Variants in PSTPIP2 observed in about 807,000 individuals in gnomAD.
PSTPIP2 encodes the protein proline-serine-threonine phosphatase interacting protein 2.
PSTPIP2 carries 33 observed loss-of-function variants against 63.3 expected under a neutral mutation model. The observed-to-expected ratio is 0.52, with a 90% CI of 0.40 to 0.70. The LOEUF (loss-of-function observed/expected upper bound fraction) is 0.70. Among genes scored for constraint, PSTPIP2 ranks in the 30% least tolerant of loss-of-function variants. PSTPIP2 has a pLI of 0.00. For synonymous variants in PSTPIP2, 125 were observed against 132.7 expected, an observed-to-expected ratio of 0.94 and a Z score of 0.40; for missense variants, 312 against 400.7, an observed-to-expected ratio of 0.78 and a Z score of 1.89.
In PSTPIP2 at chr18:45,993,675, A is replaced by G; in HGVS notation, c.671T>C (p.Ile224Thr). ...CCACAATGCATTCCGGAAGAAGTTT[A>G]TTCGTTCACATTCTTGAGCCTCAAA... ...EAFEAQECER[I>T]NFFRNALWLH... The change falls in exon 10 of 15, where the codon ATA becomes ACA. Residue 224 changes from isoleucine (I) to threonine (T), a missense_variant. Coordinates refer to ENST00000409746, the MANE Select transcript of PSTPIP2 (RefSeq NM_024430.4). 6.2e-7 allele frequency: 1 copy of G among 1,614,184 alleles called. No individual in the cohort carries two copies. Among genetic ancestry groups the G allele is most frequent in the Non-Finnish European group, 8.5e-7 (1 of 1,180,022 alleles).
intron 3 of PSTPIP2, among the ~76,000 whole-genome samples, chr18:46,019,511 C>T (rs1304004649): frequency 6.6e-6 from 1 of 152,012 alleles, no homozygotes; most frequent in Non-Finnish European, 1.5e-5. Flanking sequence ...TAACAGTGTC[C>T]ATATTGAGGC....
At chr18:46,007,674 T>C (rs952607312) in intron 5 of PSTPIP2, among the ~76,000 whole-genome samples, 1 of 151,602 alleles carries the variant, frequency 6.6e-6, no homozygotes, top group Non-Finnish European at 1.5e-5. Context: ...ATATTATATT[T>C]TGTGGCCCCA....
At chr18:46,045,516 T>G (rs998249754) in intron 1 of PSTPIP2, among the ~76,000 whole-genome samples, 2 of 149,000 alleles carry the variant, frequency 1.3e-5, no homozygotes, top group Non-Finnish European at 3.0e-5. Context: ...TGTTGTGGGG[T>G]AGGGGGAGGG....
At chr18:46,011,118 C>A in intron 5 of PSTPIP2, 63 bp downstream of exon 5, 1 of 1,384,780 alleles carries the variant, frequency 7.2e-7, no homozygotes, top group African/African-American at 1.4e-5. Flanking sequence ...GTATAATGAA[C>A]AAACAAGCCT....
In PSTPIP2 at chr18:46,050,146, G is replaced by A. The variant is rs113577267; in HGVS notation, c.34-10099C>T. ...ATGCACATTGGCATAATCTTTTGAG[G>A]AGGAAATTAGCAATATCCATTAAAA... is the stretch of plus-strand genomic sequence containing the variant. On this transcript the variant is annotated intron_variant, in intron 1 of 14. Coordinates refer to ENST00000409746, the MANE Select transcript of PSTPIP2 (RefSeq NM_024430.4). 5.7e-3 allele frequency among the ~76,000 whole-genome samples: 870 copies of A among 152,274 alleles called. 16 individuals carry two copies. Among genetic ancestry groups the A allele is most frequent in the Admixed American group, 0.032 (491 of 15,292 alleles).
intron 1 of PSTPIP2, among the ~76,000 whole-genome samples, chr18:46,046,828 C>A (rs1599739384): frequency 6.6e-6 from 1 of 152,228 alleles, no homozygotes; most frequent in East Asian, 1.9e-4. Context: ...CTTTTGGAAG[C>A]CCAGAGAGCC....
At chr18:46,064,402 T>C (rs925223329) in intron 1 of PSTPIP2, among the ~76,000 whole-genome samples, 2 of 142,634 alleles carry the variant, frequency 1.4e-5, no homozygotes, top group Non-Finnish European at 3.0e-5. Context: ...GCGATTCTCC[T>C]GCCACAGCCT....
At position 46,003,996 on chromosome 18, in the gene PSTPIP2, C is replaced by T. The variant is rs187448970; in HGVS notation, c.417+1473G>A. Among the ~76,000 whole-genome samples, 805 of 151,922 alleles carry T rather than the reference C, an allele frequency of 5.3e-3. 5 individuals are homozygous for T. Among genetic ancestry groups the T allele is most frequent in the Non-Finnish European group, 6.2e-3 (419 of 67,988 alleles). On this transcript the variant is annotated intron_variant, in intron 6 of 14. Coordinates refer to ENST00000409746, the MANE Select transcript of PSTPIP2 (RefSeq NM_024430.4). ...GGCCAGGCTGGTCTCGAACTCCTGACCTCAGGTGATCCACCTGCCTCGGCC... is the reference window on the plus strand; with the variant it reads ...GGCCAGGCTGGTCTCGAACTCCTGATCTCAGGTGATCCACCTGCCTCGGCC...
chr18:46,038,615 G>T (rs1202480153), intron 2 of PSTPIP2, among the ~76,000 whole-genome samples: 1 of 152,184 alleles, frequency 6.6e-6, no homozygotes, highest in African/African-American at 2.4e-5. Context: ...AAAAAGAAAG[G>T]CACACTTTTT....
intron 4 of PSTPIP2, among the ~76,000 whole-genome samples, chr18:46,015,031 C>T (rs1345922319): frequency 6.6e-6 from 1 of 152,082 alleles, no homozygotes; most frequent in East Asian, 1.9e-4. Flanking sequence ...CAGGAAGAAT[C>T]CAAGGGAGTC....
chr18:45,985,297 T>C lies in PSTPIP2; in HGVS notation c.*162A>G, dbSNP rs1278887172. 1.3e-5 allele frequency: 13 copies of C among 981,398 alleles called. No individual in the cohort carries two copies. The Admixed American group carries it at 3.6e-4, about 27-fold the overall frequency. The allele number at this position is 981,398 out of a possible 1,614,324, so 60.8% of individuals were successfully genotyped here. ...TGCAGAACTCTACTTGCTTATGTTG[T>C]CCTAAATGTCTACCATAAATTTTAA... On this transcript the variant is annotated 3_prime_UTR_variant, in exon 15 of 15. Transcript: ENST00000409746.
intron 12 of PSTPIP2, among the ~76,000 whole-genome samples, chr18:45,991,002 G>A (rs1007710073): frequency 4.6e-5 from 7 of 152,156 alleles, no homozygotes; most frequent in South Asian, 4.1e-4. Context: ...CCCACAACCC[G>A]GACTGGCAGG....
At chr18:45,990,692 A>C in intron 13 of PSTPIP2, 30 bp downstream of exon 13, 1 of 1,575,530 alleles carries the variant, frequency 6.3e-7, no homozygotes, top group South Asian at 1.1e-5. Flanking sequence ...GCAATATAAG[A>C]ATTTCAAAAG....
chr18:46,054,663 A>ATTTTT (rs567708908), intron 1 of PSTPIP2, among the ~76,000 whole-genome samples: 3,413 of 142,098 alleles, frequency 0.024, 135 homozygotes, highest in African/African-American at 0.08. Context: ...AAACCTACTA[A>ATTTTT]TTTTTTTTTT....
At chr18:46,063,254 C>T (rs1909053784) in intron 1 of PSTPIP2, among the ~76,000 whole-genome samples, 1 of 152,056 alleles carries the variant, frequency 6.6e-6, no homozygotes, top group African/African-American at 2.4e-5. Flanking sequence ...ATTGTCCCAC[C>T]TCGGCCTCCC....
At position 46,006,993 on chromosome 18, in the gene PSTPIP2, T is replaced by C. The variant is rs1031351805; in HGVS notation, c.355-1462A>G. Among the ~76,000 whole-genome samples, 3 of 152,220 alleles carry C rather than the reference T, an allele frequency of 2.0e-5. No individual in the cohort carries two copies. In the East Asian group the frequency reaches 5.8e-4, roughly 29 times the overall value. On this transcript the variant is annotated intron_variant, in intron 5 of 14. Transcript: ENST00000409746. ...CAGTAGCCCTGACTCCAGTGCCCTTTTGTTTCTCATTATTACCCAAATTGT... is the reference window on the plus strand; with the variant it reads ...CAGTAGCCCTGACTCCAGTGCCCTTCTGTTTCTCATTATTACCCAAATTGT...
At position 45,994,092 on chromosome 18, in the gene PSTPIP2, G is replaced by T. The variant is rs1031285109; in HGVS notation, c.643-389C>A. 11 of 287,906 alleles carry T rather than the reference G, an allele frequency of 3.8e-5. No individual in the cohort carries two copies. The Admixed American group carries it at 4.8e-4, about 12-fold the overall frequency. The allele number at this position is 287,906 out of a possible 1,614,324, so 17.8% of individuals were successfully genotyped here. On this transcript the variant is annotated intron_variant, in intron 9 of 14. Coordinates refer to ENST00000409746, the MANE Select transcript of PSTPIP2 (RefSeq NM_024430.4). ...ATGAATGAGTTTGACTGGCAAGATG[G>T]TCATAATTGTTGATGCTGATTGATG... is the stretch of plus-strand genomic sequence containing the variant.
chr18:46,068,076 C>T (rs139551335), intron 1 of PSTPIP2, among the ~76,000 whole-genome samples: 12 of 150,964 alleles, frequency 7.9e-5, no homozygotes, highest in African/African-American at 2.9e-4. Flanking sequence ...ATGGATTCAA[C>T]CAACCACAGA....
At chr18:46,051,781 C>T (rs1341049001) in intron 1 of PSTPIP2, among the ~76,000 whole-genome samples, 1 of 152,190 alleles carries the variant, frequency 6.6e-6, no homozygotes, top group East Asian at 1.9e-4. Context: ...ATTCAACCAC[C>T]TCTGAGTGTA....
Sources: allele counts gnomAD v4.1 joint callset (sites outside exome capture counted in the v4.1 genomes callset), GRCh38; gene constraint gnomAD v4.1.1; transcripts MANE v1.5; gene names NCBI Gene and HGNC (gene_info 2026-07-23, HGNC 2026-07-21).